Variants in LPCAT1 observed in about 807,000 individuals in gnomAD.
The protein encoded by LPCAT1 is lysophosphatidylcholine acyltransferase 1.
Under a neutral mutation model 60.9 loss-of-function variants are expected in LPCAT1, and 23 were observed. The ratio of observed to expected loss-of-function variants is 0.38; its 90% confidence interval spans 0.27 to 0.53. LPCAT1 has a LOEUF of 0.53. Among genes scored for constraint, LPCAT1 ranks in the 20% least tolerant of loss-of-function variants. The pLI is 0.82. For missense variants in LPCAT1, 622 were observed against 723.6 expected (o/e 0.86, Z 1.61); for synonymous variants, 340 against 301.1 (o/e 1.13, Z -1.34).
chr5:1,471,899 A>G (rs1324586182), intron 11 of LPCAT1, among the ~76,000 whole-genome samples: 1 of 141,120 alleles, frequency 7.1e-6, no homozygotes, highest in Non-Finnish European at 1.5e-5. Context: ...GCAAGAGAAG[A>G]TGAGGAGCAC....
chr5:1,465,306 G>A (rs564254929), intron 13 of LPCAT1, among the ~76,000 whole-genome samples: 30 of 116,762 alleles, frequency 2.6e-4, no homozygotes, highest in Admixed American at 8.3e-4. Context: ...ACACATGTGC[G>A]CGCACACACA....
intron 1 of LPCAT1, among the ~76,000 whole-genome samples, chr5:1,507,148 G>A (rs1736211620): frequency 6.6e-6 from 1 of 152,148 alleles, no homozygotes; most frequent in Non-Finnish European, 1.5e-5. Context: ...CACGCTCCTG[G>A]TCACCATAGG....
chr5:1,470,744 G>C, intron 12 of LPCAT1, 82 bp downstream of exon 12: 2 of 978,236 alleles, frequency 2.0e-6, no homozygotes, highest in South Asian at 3.5e-5. Flanking sequence ...GATATTATAA[G>C]GAACTAGAGA....
rs1735815191 is a variant in LPCAT1 at position 1,496,945 on chromosome 5, C to T, written c.279-2031G>A. ...CAGGAGACAGATCTATCTGCATACA[C>T]AGGAGCGGGGATCTCCATCAGCACC... On this transcript the variant is annotated intron_variant, in intron 2 of 13. Coordinates refer to ENST00000283415, the MANE Select transcript of LPCAT1 (RefSeq NM_024830.5). This position sits in a 1 kb window ranked among gnomAD's most constrained non-coding sequence, Gnocchi z 4.7. Among the ~76,000 whole-genome samples the T allele has an allele frequency of 6.6e-6, 1 of 152,182 alleles. No homozygotes were observed. Among genetic ancestry groups the T allele is most frequent in the South Asian group, 2.1e-4 (1 of 4,828 alleles).
At chr5:1,510,359 C>T (rs941369258) in intron 1 of LPCAT1, among the ~76,000 whole-genome samples, 2 of 152,232 alleles carry the variant, frequency 1.3e-5, no homozygotes, top group Non-Finnish European at 2.9e-5. Context: ...CGCCTCCCGC[C>T]GCTGTCATCT....
intron 1 of LPCAT1, among the ~76,000 whole-genome samples, chr5:1,519,644 C>T (rs1490885044): frequency 6.6e-6 from 1 of 152,226 alleles, no homozygotes; most frequent in Non-Finnish European, 1.5e-5. Flanking sequence ...GGCACAGCAG[C>T]TGGGCCTCTG....
intron 2 of LPCAT1, among the ~76,000 whole-genome samples, chr5:1,498,588 C>T (rs910633063): frequency 2.0e-5 from 3 of 152,104 alleles, no homozygotes; most frequent in African/African-American, 7.2e-5. Context: ...TATGTACATA[C>T]ATCATACATA....
chr5:1,517,337 G>C (rs1218351642), intron 1 of LPCAT1, among the ~76,000 whole-genome samples: 1 of 152,226 alleles, frequency 6.6e-6, no homozygotes, highest in Non-Finnish European at 1.5e-5. Flanking sequence ...CTCTGTGTCA[G>C]AGGCAGGGAC....
chr5:1,467,007 G>A (rs531456186), intron 12 of LPCAT1, 117 bp from the exon 13 acceptor site: 3 of 1,167,370 alleles, frequency 2.6e-6, no homozygotes, highest in African/African-American at 3.1e-5. Context: ...GCACCTGCAG[G>A]GCCGGCGGCT....
At chr5:1,471,665 G>C (rs1030773195) in intron 11 of LPCAT1, among the ~76,000 whole-genome samples, 3 of 151,984 alleles carry the variant, frequency 2.0e-5, no homozygotes. Flanking sequence ...CCTGGTCAGA[G>C]AGCAGGAGGA....
chr5:1,507,119 C>G (rs1270883920), intron 1 of LPCAT1, among the ~76,000 whole-genome samples: 1 of 152,136 alleles, frequency 6.6e-6, no homozygotes, highest in Non-Finnish European at 1.5e-5. Flanking sequence ...GGGAGGGACT[C>G]AGAGAGGAGA....
chr5:1,484,004 C>A (rs540134562), intron 5 of LPCAT1, among the ~76,000 whole-genome samples: 8 of 152,368 alleles, frequency 5.3e-5, no homozygotes, highest in South Asian at 4.1e-4. Flanking sequence ...ACCCACCTGA[C>A]GGGGTTAGGG....
chr5:1,471,310 A>C (rs897531450), intron 11 of LPCAT1, among the ~76,000 whole-genome samples: 4 of 152,232 alleles, frequency 2.6e-5, no homozygotes, highest in Non-Finnish European at 5.9e-5. Flanking sequence ...TGCAGAAAGA[A>C]GGTGAACCCG....
chr5:1,513,769 G>C (rs945003604), intron 1 of LPCAT1, among the ~76,000 whole-genome samples: 2 of 147,378 alleles, frequency 1.4e-5, no homozygotes, highest in African/African-American at 5.1e-5. Context: ...CTCACCCGTG[G>C]GGCGGGACAC....
Position 1,462,644 on chromosome 5 carries a change from T to A in LPCAT1, c.*1007A>T, listed in dbSNP as rs1291151923. The A allele has an allele frequency of 1.3e-5, 2 of 152,262 alleles. No individual in the cohort carries two copies. The highest frequency in any genetic ancestry group is 2.9e-5 in the Non-Finnish European group (2 of 68,046). The allele number at this position is 152,262 out of a possible 1,614,324, so 9.4% of individuals were successfully genotyped here. A position where few individuals can be genotyped will look rare whatever the true frequency, so the allele number is the denominator to read the frequency against. On this transcript the variant is annotated 3_prime_UTR_variant, in exon 14 of 14. Transcript: ENST00000283415. ...CGCCAGTCACCATGGAAACCAGGGC[T>A]GACAGGAAGATGCAGCCGCTTCCAG...
intron 1 of LPCAT1, among the ~76,000 whole-genome samples, chr5:1,503,365 G>T (rs1460860758): frequency 6.6e-6 from 1 of 152,196 alleles, no homozygotes; most frequent in East Asian, 1.9e-4. Context: ...TCCTCCACGA[G>T]TTTTGTTTTG....
At chr5:1,485,460 G>A (rs1735335269) in intron 5 of LPCAT1, among the ~76,000 whole-genome samples, 1 of 152,206 alleles carries the variant, frequency 6.6e-6, no homozygotes, top group African/African-American at 2.4e-5. Context: ...CAAGGCAGAG[G>A]GGAGGAGGTA....
At chr5:1,470,329 T>A (rs557391719) in intron 12 of LPCAT1, among the ~76,000 whole-genome samples, 8 of 152,242 alleles carry the variant, frequency 5.3e-5, no homozygotes, top group African/African-American at 1.7e-4. Context: ...AGCGACTCCC[T>A]GTGGTGAGGC....
In LPCAT1 at chr5:1,483,531, G is replaced by A. The variant is rs760557750; in HGVS notation, c.668-45C>T. The stretch of plus-strand genomic sequence containing the variant: ...GGTGTTGCCCATGGCAGCCCACGCA[G>A]GACAGCGTCTGCTGCGTTTCTCATG... On this transcript the variant is annotated intron_variant, in intron 5 of 13. Transcript: ENST00000283415. This position sits in a 1 kb window ranked among gnomAD's most constrained non-coding sequence, Gnocchi z 9.2. 1.3e-6 allele frequency: 2 copies of A among 1,596,048 alleles called. No homozygotes were observed. The highest frequency in any genetic ancestry group is 8.6e-7 in the Non-Finnish European group (1 of 1,165,094).
Sources: allele counts gnomAD v4.1 joint callset (sites outside exome capture counted in the v4.1 genomes callset), GRCh38; gene constraint gnomAD v4.1.1; non-coding constraint Gnocchi (gnomAD v3.1); transcripts MANE v1.5; gene names NCBI Gene and HGNC (gene_info 2026-07-23, HGNC 2026-07-21).